Variants in SRCAP observed in about 807,000 individuals in gnomAD.
The protein encoded by SRCAP is Snf2 related CREBBP activator protein, also known as chromatin remodeling protein SRCAP.
In SRCAP, 46 loss-of-function variants were observed where a neutral mutation model predicts 263.1. That is an observed-to-expected ratio of 0.17 (90% CI 0.14 to 0.22). The LOEUF is 0.22. Ranked by LOEUF, SRCAP falls within the 10% of genes least tolerant of loss-of-function variation. The pLI is 1.00. For synonymous variants in SRCAP, 1,813 were observed against 1,662.1 expected, an observed-to-expected ratio of 1.09 and a Z score of -2.21; for missense variants, 3,695 against 4,181.9, an observed-to-expected ratio of 0.88 and a Z score of 3.21.
In SRCAP at chr16:30,737,872, T is replaced by G. The variant is rs1236244217; in HGVS notation, c.7832T>G (p.Leu2611Trp). 1.9e-6 allele frequency: 3 copies of G among 1,614,166 alleles called. No homozygotes were observed. Among genetic ancestry groups the G allele is most frequent in the Non-Finnish European group, 2.5e-6 (3 of 1,180,018 alleles). The part of the protein sequence containing the change: ...SLTPSAPSLT[L>W]EAGSIPNGQE... ...ACCCCTTCTGCACCCAGCCTGACCT[T>G]GGAGGCTGGCAGCATCCCCAATGGT... Residue 2611 changes from leucine (L) to tryptophan (W), a missense_variant, in exon 34 of 34, where the codon TTG (leucine) becomes TGG (tryptophan). Physicochemically the swap from Leu to Trp is moderately conservative, Grantham distance 61. Transcript: ENST00000262518.
chr16:30,700,181 C>G (rs935987757), intron 2 of SRCAP, among the ~76,000 whole-genome samples, 200 bp downstream of exon 2: 1 of 152,236 alleles, frequency 6.6e-6, no homozygotes, highest in African/African-American at 2.4e-5. Context: ...CAACCTGGCT[C>G]TACCAGGAAG....
In SRCAP at chr16:30,716,117, A is replaced by G. The variant is rs1189400727; in HGVS notation, c.2545A>G (p.Met849Val). ...RRVKVDVEKQ[M>V]PKKYEHVIRC... ...AGTTAAGGTGGATGTTGAGAAGCAG[A>G]TGCCCAAAAAGTACGAGCATGTTAT... The change falls in exon 17 of 34, where the codon ATG becomes GTG. Residue 849 changes from methionine to valine, a missense_variant. By Grantham distance (21) the Met-to-Val change is conservative. Around this residue, in one of 12 missense-constraint regions of SRCAP, gnomAD observed 147 missense variants for 212.7 expected, o/e 0.69. Transcript: ENST00000262518. 1 of 1,614,222 alleles carries G rather than the reference A, an allele frequency of 6.2e-7. No individual in the cohort carries two copies.
chr16:30,709,539 G>T lies in SRCAP; in HGVS notation c.660G>T (p.Arg220=). 6.2e-7 allele frequency: 1 copy of T among 1,614,146 alleles called. No homozygotes were observed. The highest frequency in any genetic ancestry group is 1.1e-5 in the South Asian group (1 of 91,076). The change falls in exon 7 of 34, where the codon CGG becomes CGT. Residue 220 remains arginine, a synonymous_variant. Coordinates refer to ENST00000262518, the MANE Select transcript of SRCAP (RefSeq NM_006662.3). ...TGGTGCAATTCAAGCAACAGTCCCGGCTTGAGGAAAAGCGCAAAAAAGCCC... is the reference window on the plus strand; with the variant it reads ...TGGTGCAATTCAAGCAACAGTCCCGTCTTGAGGAAAAGCGCAAAAAAGCCC... The part of the protein sequence containing the change: ...EKVVQFKQQS[R]LEEKRKKALD...
At chr16:30,704,818 A>G (rs1464873472) in intron 4 of SRCAP, among the ~76,000 whole-genome samples, 18 of 151,994 alleles carry the variant, frequency 1.2e-4, no homozygotes, top group Non-Finnish European at 2.6e-4. Flanking sequence ...CTCCAGCCTG[A>G]GCAACCGAGT....
In SRCAP at chr16:30,737,249, G is replaced by C. The variant is rs1275356539; in HGVS notation, c.7209G>C (p.Arg2403=). ...TCAGTGAGCGTCTTCGTGGAGCCCG[G>C]GCTGAGACTCAAGGGGCAAACCACA... ...TRVSERLRGA[R]AETQGANHTP... is the part of the protein sequence containing the mutation. The change falls in exon 34 of 34, where the codon CGG becomes CGC. Residue 2403 remains arginine, a synonymous_variant. Coordinates refer to ENST00000262518, the MANE Select transcript of SRCAP (RefSeq NM_006662.3). 6.2e-7 allele frequency: 1 copy of C among 1,613,984 alleles called. No homozygotes were observed.
rs1255804406 is a variant in SRCAP at position 30,737,730 on chromosome 16, C to T, written c.7690C>T (p.Leu2564=). The T allele has an allele frequency of 1.2e-6, 2 of 1,614,124 alleles. No homozygotes were observed. The highest frequency in any genetic ancestry group is 2.2e-5 in the South Asian group (2 of 91,090). The change falls in exon 34 of 34, where the codon CTG becomes TTG. Residue 2564 remains leucine (L), a synonymous_variant. Coordinates refer to ENST00000262518, the MANE Select transcript of SRCAP (RefSeq NM_006662.3). ...CAQALASPES[L]ELASVASSET... is the part of the protein sequence containing the mutation. ...CCAGGCATTGGCATCTCCAGAGTCCCTGGAGCTGGCTTCTGTGGCCAGTTC... is the reference window on the plus strand; with the variant it reads ...CCAGGCATTGGCATCTCCAGAGTCCTTGGAGCTGGCTTCTGTGGCCAGTTC...
At chr16:30,736,070 G>A (rs932498042) in intron 31 of SRCAP, 130 bp from the exon 32 acceptor site, 5 of 1,021,034 alleles carry the variant, frequency 4.9e-6, no homozygotes, top group Non-Finnish European at 5.7e-6. Flanking sequence ...TGGAGGCCTA[G>A]GAGGTTGTTG....
Position 30,722,714 on chromosome 16 carries a change from T to C in SRCAP, c.3858T>C (p.Pro1286=). 3 of 1,613,412 alleles carry C rather than the reference T, an allele frequency of 1.9e-6. No homozygotes were observed. The highest frequency in any genetic ancestry group is 2.5e-6 in the Non-Finnish European group (3 of 1,179,732). Residue 1286 remains proline (P), a synonymous_variant, in exon 23 of 34, where the codon CCT becomes CCC. Transcript: ENST00000262518. ...CGACCCCCAGCACCACCCCTGCCCC[T>C]ACTGGCCTCAGCCTTCCGCTTGCTG... ...PSSTPSTTPA[P]TGLSLPLAAN... is the part of the protein sequence containing the mutation.
intron 25 of SRCAP, among the ~76,000 whole-genome samples, chr16:30,727,819 T>C (rs1003693414): frequency 6.6e-6 from 1 of 152,206 alleles, no homozygotes; most frequent in African/African-American, 2.4e-5. Context: ...CCCAAAGTGC[T>C]GGGATTACAG....
chr16:30,740,057 C>T lies in SRCAP; in HGVS notation c.*324C>T. 4.0e-6 allele frequency: 1 copy of T among 249,732 alleles called. No homozygotes were observed. Among genetic ancestry groups the T allele is most frequent in the Non-Finnish European group, 7.6e-6 (1 of 132,328 alleles). 15.5% of individuals were successfully genotyped at this position (249,732 alleles called of 1,614,324 possible). A position where few individuals can be genotyped will look rare whatever the true frequency, so the allele number is the denominator to read the frequency against. On this transcript the variant is annotated 3_prime_UTR_variant, in exon 34 of 34. Transcript: ENST00000262518. Reference sequence around the variant, plus strand: ...CTTAGGGGAAGGGGGAGGGGCTTCTCTACAATGAGGTTTTTTTCTTTTTTT... The same window carrying T: ...CTTAGGGGAAGGGGGAGGGGCTTCTTTACAATGAGGTTTTTTTCTTTTTTT...
chr16:30,733,757 C>T lies in SRCAP; in HGVS notation c.6453C>T (p.Arg2151=), dbSNP rs768866718. ...NPTMDAQAQD[R]CHRIGQTRDV... is the part of the protein sequence containing the mutation. ...CCATGGATGCTCAGGCCCAGGACCG[C>T]TGTCACCGAATTGGCCAGACCCGGG... is the stretch of plus-strand genomic sequence containing the variant. Residue 2151 remains arginine (R), a synonymous_variant, in exon 29 of 34, where the codon CGC becomes CGT. Transcript: ENST00000262518. This position sits in a 1 kb window ranked among gnomAD's most constrained non-coding sequence, Gnocchi z 5.3. 3 of 1,614,064 alleles carry T rather than the reference C, an allele frequency of 1.9e-6. No individual in the cohort carries two copies. Among genetic ancestry groups the T allele is most frequent in the Non-Finnish European group, 1.7e-6 (2 of 1,180,022 alleles).
Position 30,738,080 on chromosome 16 carries a change from C to T in SRCAP, c.8040C>T (p.Ala2680=), listed in dbSNP as rs149868657. The T allele has an allele frequency of 3.7e-6, 6 of 1,614,004 alleles. No homozygotes were observed. The African/African-American group carries it at 5.3e-5, about 14-fold the overall frequency. Residue 2680 remains alanine (A), a synonymous_variant, in exon 34 of 34, where the codon GCC becomes GCT. Transcript: ENST00000262518. ...GGACCTCGGAAGAGCTGACAGAGGC[C>T]AAGACCCCAACCTCCAGCCCAGAGA... ...ADRTSEELTE[A]KTPTSSPEKP...
rs749451205 is a variant in SRCAP at position 30,738,401 on chromosome 16, C to A, written c.8361C>A (p.Ser2787Arg). The A allele has an allele frequency of 6.5e-7, 1 of 1,546,790 alleles. No homozygotes were observed. Among genetic ancestry groups the A allele is most frequent in the Non-Finnish European group, 8.7e-7 (1 of 1,147,508 alleles). The change falls in exon 34 of 34, where the codon AGC becomes AGA. Residue 2787 changes from serine to arginine, a missense_variant. Ser to Arg is a moderately radical substitution (Grantham distance 110). Transcript: ENST00000262518. The stretch of plus-strand genomic sequence containing the variant: ...CTGGGGTCTCTGAGACTAGTGCCAG[C>A]CCGGGAAGCCCGTCTGTCCGCAGCA... ...LVPGVSETSA[S>R]PGSPSVRSMS...
intron 16 of SRCAP, among the ~76,000 whole-genome samples, chr16:30,715,725 C>T (rs185933447): frequency 6.6e-6 from 1 of 152,206 alleles, no homozygotes; most frequent in Admixed American, 6.5e-5. Context: ...GTTTTATCTC[C>T]TGTCAAGGCC....
Position 30,711,730 on chromosome 16 carries a change from G to A in SRCAP, c.1478G>A (p.Ser493Asn), listed in dbSNP as rs2052894656. ...GCGGAAGAGCCTCCTCAGGAGGATA[G>A]TAGCAGTCAGTCAGGTGAATATGTG... Reference protein sequence around the residue: ...VEAEEPPQEDSSSQSDSVEDR... With the variant: ...VEAEEPPQEDNSSQSDSVEDR... Residue 493 changes from serine (S) to asparagine (N), a missense_variant, in exon 11 of 34, where the codon AGT (serine) becomes AAT (asparagine). Ser to Asn is a conservative substitution (Grantham distance 46). Transcript: ENST00000262518. 4.3e-6 allele frequency: 7 copies of A among 1,612,948 alleles called. No homozygotes were observed. The highest frequency in any genetic ancestry group is 4.0e-5 in the African/African-American group (3 of 74,968).
chr16:30,730,160 G>A (rs921385866), intron 27 of SRCAP, among the ~76,000 whole-genome samples: 2 of 152,168 alleles, frequency 1.3e-5, no homozygotes, highest in African/African-American at 4.8e-5. Context: ...TAATCATTTG[G>A]GATACAATAG....
In SRCAP at chr16:30,733,244, G is replaced by A. The variant is rs1346184458; in HGVS notation, c.6128-36G>A. 8 of 1,604,430 alleles carry A rather than the reference G, an allele frequency of 5.0e-6. No homozygotes were observed. The South Asian group carries it at 6.6e-5, about 13-fold the overall frequency. On this transcript the variant is annotated intron_variant, in intron 27 of 33. Transcript: ENST00000262518. The surrounding 1 kb of genome is among the most constrained non-coding windows in gnomAD (Gnocchi z 5.3). ...CTAAGCATTCTACCCATTGCGGCTT[G>A]TAGCTAGCTCCCTGTATCCCTTCAT...
At position 30,723,158 on chromosome 16, in the gene SRCAP, C is replaced by T. The variant is rs372507463; in HGVS notation, c.4088C>T (p.Ala1363Val). 4 of 1,614,116 alleles carry T rather than the reference C, an allele frequency of 2.5e-6. No individual in the cohort carries two copies. The South Asian group carries it at 4.4e-5, about 18-fold the overall frequency. ...LPTPTLGTAR[A>V]PMPTPTLVRP... ...ACACCTACTCTGGGTACTGCTCGAG[C>T]CCCCATGCCCACACCCACTCTGGTG... The change falls in exon 24 of 34, where the codon GCC (alanine) becomes GTC (valine). Residue 1363 changes from alanine to valine, a missense_variant. Transcript: ENST00000262518.
Position 30,729,592 on chromosome 16 carries a change from T to C in SRCAP, c.6127+20T>C. The C allele has an allele frequency of 1.2e-6, 2 of 1,613,284 alleles. No homozygotes were observed. The highest frequency in any genetic ancestry group is 4.5e-5 in the East Asian group (2 of 44,866). ...ATTGCGGTGAGTTTGTTGGCCAGTG[T>C]AGGACCCTTGACTTCTCTTCTTTTC... On this transcript the variant is annotated intron_variant, in intron 27 of 33. Transcript: ENST00000262518.
Sources: allele counts gnomAD v4.1 joint callset (sites outside exome capture counted in the v4.1 genomes callset), GRCh38; gene constraint gnomAD v4.1.1; regional missense constraint gnomAD v4.1.1; non-coding constraint Gnocchi (gnomAD v3.1); transcripts MANE v1.5; gene names NCBI Gene and HGNC (gene_info 2026-07-23, HGNC 2026-07-21).